The following CCNE1 variants were observed in gnomAD, a reference collection of about 807,000 sequenced individuals.
CCNE1 encodes the protein cyclin E1, also known as G1/S-specific cyclin-E1.
In CCNE1, 8 loss-of-function variants were observed where a neutral mutation model predicts 54.1. The ratio of observed to expected loss-of-function variants is 0.15; its 90% CI spans 0.09 to 0.27. The LOEUF (loss-of-function observed/expected upper bound fraction) is 0.27, where lower values mean the gene tolerates loss of function less well. Ranked by LOEUF, CCNE1 falls within the 10% of genes least tolerant of loss-of-function variation. CCNE1 has a pLI of 1.00. For missense variants in CCNE1, 430 were observed against 514.9 expected (o/e 0.84, Z 1.60); for synonymous variants, 179 against 185.2 (o/e 0.97, Z 0.27).
rs773487372 is a variant in CCNE1, at chr19:29,823,810, G to A, written c.*33G>A. The A allele has an allele frequency of 1.8e-5, 28 of 1,580,930 alleles. No individual in the cohort carries two copies. The highest frequency in any genetic ancestry group is 9.5e-5 in the African/African-American group (7 of 73,702). ...ATCCTTCTCCACCAAAGACAGTTGC[G>A]CGCCTGCTCCACGTTCTCTTCTGTC... On this transcript the variant is annotated 3_prime_UTR_variant, in exon 12 of 12. Coordinates refer to ENST00000262643, the MANE Select transcript of CCNE1 (RefSeq NM_001238.4).
chr19:29,815,465 C>G (rs1345508543), intron 4 of CCNE1, among the ~76,000 whole-genome samples: 1 of 152,176 alleles, frequency 6.6e-6, no homozygotes, highest in Non-Finnish European at 1.5e-5. Flanking sequence ...GCTCTTCTAA[C>G]TGAAAGTGCT....
chr19:29,818,888 G>A (rs1459248168), intron 6 of CCNE1, among the ~76,000 whole-genome samples: 1 of 151,642 alleles, frequency 6.6e-6, no homozygotes, highest in Non-Finnish European at 1.5e-5. Context: ...TCAGGCTCCC[G>A]AGTAGCTGGG....
At chr19:29,817,790 A>T (rs1974059846) in intron 6 of CCNE1, among the ~76,000 whole-genome samples, 1 of 151,756 alleles carries the variant, frequency 6.6e-6, no homozygotes, top group Non-Finnish European at 1.5e-5. Context: ...ATAATTGTTA[A>T]GATTGTATTT....
chr19:29,816,828 ATC>A (rs968703023), intron 4 of CCNE1, among the ~76,000 whole-genome samples: 6 of 149,608 alleles, frequency 4.0e-5, no homozygotes, highest in Non-Finnish European at 8.9e-5. Flanking sequence ...CCTTAGGTAT[ATC>A]TCCTAATGCT....
chr19:29,818,449 C>G (rs996112475), intron 6 of CCNE1, among the ~76,000 whole-genome samples: 1 of 152,076 alleles, frequency 6.6e-6, no homozygotes, highest in East Asian at 1.9e-4. Flanking sequence ...TGTGAGCCAC[C>G]ATGCCCAGCT....
chr19:29,815,167 G>A (rs1973983332), intron 4 of CCNE1, among the ~76,000 whole-genome samples: 1 of 152,208 alleles, frequency 6.6e-6, no homozygotes, highest in South Asian at 2.1e-4. Flanking sequence ...AACTGCTGCT[G>A]GACTCATCTA....
At chr19:29,813,167 A>G in intron 4 of CCNE1, 130 bp downstream of exon 4, 2 of 796,092 alleles carry the variant, frequency 2.5e-6, no homozygotes, top group Non-Finnish European at 4.2e-6. Context: ...GCCACAGCCC[A>G]TATGGCCCAG....
At chr19:29,818,119 C>T (rs180778427) in intron 6 of CCNE1, among the ~76,000 whole-genome samples, 14 of 151,594 alleles carry the variant, frequency 9.2e-5, no homozygotes, top group African/African-American at 2.7e-4. Context: ...CTCCTCCTCC[C>T]GGGTTCATGC....
chr19:29,822,593 T>C lies in CCNE1; in HGVS notation c.1100T>C (p.Leu367Ser). Reference protein sequence around the residue: ...AHNIQTHRDSLDLLDKARAKK... With the variant: ...AHNIQTHRDSSDLLDKARAKK... ...AACATACAGACCCACAGAGACAGCT[T>C]GGATTTGCTGGTCAGTGCTGCTCCT... Residue 367 changes from leucine (L) to serine (S), a missense_variant, in exon 11 of 12, where the codon TTG (leucine) becomes TCG (serine). By Grantham distance (145) the Leu-to-Ser change is moderately radical. Around this residue, in one of 2 missense-constraint regions of CCNE1, gnomAD observed 303 missense variants for 401.1 expected, o/e 0.76. Transcript: ENST00000262643. The C allele has an allele frequency of 1.9e-6, 3 of 1,608,544 alleles. No homozygotes were observed. Among genetic ancestry groups the C allele is most frequent in the Non-Finnish European group, 2.5e-6 (3 of 1,177,206 alleles).
chr19:29,823,791 C>T lies in CCNE1; in HGVS notation c.*14C>T, dbSNP rs2145732609. On this transcript the variant is annotated 3_prime_UTR_variant, in exon 12 of 12. Coordinates refer to ENST00000262643, the MANE Select transcript of CCNE1 (RefSeq NM_001238.4). Reference sequence around the variant, plus strand: ...GAAATGGCGTGACCACCCCATCCTTCTCCACCAAAGACAGTTGCGCGCCTG... The same window carrying T: ...GAAATGGCGTGACCACCCCATCCTTTTCCACCAAAGACAGTTGCGCGCCTG... 5 of 1,603,936 alleles carry T rather than the reference C, an allele frequency of 3.1e-6. No homozygotes were observed. Among genetic ancestry groups the T allele is most frequent in the Non-Finnish European group, 3.4e-6 (4 of 1,174,962 alleles).
rs755471894 is a variant in CCNE1 at position 29,823,497 on chromosome 19, C to T, written c.1111-158C>T. Among the ~76,000 whole-genome samples the T allele has an allele frequency of 5.4e-4, 82 of 150,552 alleles. 1 individual carries two copies. Among genetic ancestry groups the T allele is most frequent in the Non-Finnish European group, 1.0e-3 (70 of 67,654 alleles). ...CCTGGAAGTGGAAGTTGCAGTAAGC[C>T]GAGATCCCACCACTGTACTACAGTC... On this transcript the variant is annotated intron_variant, in intron 11 of 11. Transcript: ENST00000262643.
chr19:29,813,082 CT>C (rs779241850), intron 4 of CCNE1, 45 bp downstream of exon 4: 1 of 1,542,312 alleles, frequency 6.5e-7, no homozygotes, highest in Non-Finnish European at 9.0e-7. Flanking sequence ...CCTTCTCCCC[CT>C]GGGTCACATG....
Position 29,821,702 on chromosome 19 carries a change from C to T in CCNE1, c.610-20C>T, listed in dbSNP as rs1164169103. 2 of 1,454,056 alleles carry T rather than the reference C, an allele frequency of 1.4e-6. No homozygotes were observed. The highest frequency in any genetic ancestry group is 2.8e-5 in the African/African-American group (2 of 71,684). 90.1% of individuals were successfully genotyped at this position (1,454,056 alleles called of 1,614,324 possible). ...TAGAGATTGGCTTTGGTGCTAGTGC[C>T]ATCTTTTATTTCCTTTCAGGAAATC... On this transcript the variant is annotated intron_variant, in intron 7 of 11. Transcript: ENST00000262643.
In CCNE1 at chr19:29,821,725, A is replaced by C. The variant is rs1974150484; in HGVS notation, c.613A>C (p.Ile205Leu). The C allele has an allele frequency of 1.3e-6, 2 of 1,599,290 alleles. No homozygotes were observed. The highest frequency in any genetic ancestry group is 1.7e-6 in the Non-Finnish European group (2 of 1,166,716). The change falls in exon 8 of 12, where the codon ATC (isoleucine) becomes CTC (leucine). Residue 205 changes from isoleucine (I) to leucine (L), a missense_variant. Transcript: ENST00000262643. ...GCCATCTTTTATTTCCTTTCAGGAA[A>C]TCTATCCTCCAAAGTTGCACCAGTT... ...SLFIAAKLEE[I>L]YPPKLHQFAY... is the part of the protein sequence containing the mutation.
chr19:29,813,168 T>G, intron 4 of CCNE1, 131 bp downstream of exon 4: 1 of 786,980 alleles, frequency 1.3e-6, no homozygotes, highest in Non-Finnish European at 2.1e-6. Context: ...CCACAGCCCA[T>G]ATGGCCCAGC....
At chr19:29,821,466 A>G (rs1173983630) in intron 7 of CCNE1, among the ~76,000 whole-genome samples, 1 of 152,022 alleles carries the variant, frequency 6.6e-6, no homozygotes, top group African/African-American at 2.4e-5. Context: ...TGTTAAAGGT[A>G]CTGAAAAGGG....
At chr19:29,821,248 G>A (rs1974138939) in intron 7 of CCNE1, among the ~76,000 whole-genome samples, 1 of 152,214 alleles carries the variant, frequency 6.6e-6, no homozygotes, top group South Asian at 2.1e-4. Context: ...TTAGCCAGGC[G>A]TGGTGGCACG....
intron 4 of CCNE1, among the ~76,000 whole-genome samples, chr19:29,813,908 C>T (rs1190670386): frequency 2.6e-5 from 4 of 152,146 alleles, no homozygotes; most frequent in Admixed American, 6.6e-5. Flanking sequence ...AAACGCTGAA[C>T]AGAAACAGTG....
chr19:29,814,467 C>G (rs557596747), intron 4 of CCNE1, among the ~76,000 whole-genome samples: 7 of 151,470 alleles, frequency 4.6e-5, no homozygotes, highest in African/African-American at 1.2e-4. Flanking sequence ...GCTGTGCTGC[C>G]GGAATAGCCA....
Sources: gnomAD v4.1 joint callset for allele counts (sites outside exome capture counted in the v4.1 genomes callset) on GRCh38, gnomAD v4.1.1 for gene constraint, gnomAD v4.1.1 regional missense constraint, MANE v1.5 for transcripts, NCBI Gene and HGNC (gene_info 2026-07-23, HGNC 2026-07-21) for gene names.